Variants in RGS6 observed in about 807,000 individuals in gnomAD.
RGS6 encodes the protein regulator of G protein signaling 6.
A neutral mutation model predicts 78.5 loss-of-function variants in RGS6; 30 were observed. The observed-to-expected ratio is 0.38, with a 90% CI of 0.29 to 0.52. The LOEUF (loss-of-function observed/expected upper bound fraction) is 0.52, where lower values mean the gene tolerates loss of function less well. Ranked by LOEUF, RGS6 falls within the 20% of genes least tolerant of loss-of-function variation. RGS6 has a pLI of 0.85. For synonymous variants in RGS6, 206 were observed against 206.0 expected (o/e 1.00, Z 0.00); for missense variants, 495 against 609.7 (o/e 0.81, Z 1.98).
chr14:72,361,172 G>T (rs1031635424), intron 3 of RGS6, among the ~76,000 whole-genome samples: 3 of 147,576 alleles, frequency 2.0e-5, no homozygotes, highest in African/African-American at 7.7e-5. Flanking sequence ...GACCTTCTTA[G>T]GATGATTAAT....
rs550497245 is a variant in RGS6, at chr14:72,484,931, A to AT, written c.854+6624dup. Among the ~76,000 whole-genome samples, 1,126 of 117,940 alleles carry AT rather than the reference A, an allele frequency of 9.5e-3. 7 individuals are homozygous for AT. Among genetic ancestry groups the AT allele is most frequent in the African/African-American group, 0.025 (760 of 30,416 alleles). 77.4% of individuals were successfully genotyped at this position (117,940 alleles called of 152,430 possible). On this transcript the variant is annotated intron_variant, in intron 12 of 17. Coordinates refer to ENST00000553525, the MANE Select transcript of RGS6 (RefSeq NM_001204424.2). Reference sequence around the variant, plus strand: ...TGTACCCCTGGTAGCCATCTGGTAGATTTTTTTTTTTTTTTTTTTTTTGCC... The same window carrying AT: ...TGTACCCCTGGTAGCCATCTGGTAGATTTTTTTTTTTTTTTTTTTTTTTGCC...
At chr14:71,957,446 AGAG>A (rs34866842) in intron 1 of RGS6, among the ~76,000 whole-genome samples, 21,851 of 152,158 alleles carry the variant, frequency 0.14, 1,709 homozygotes, top group Non-Finnish European at 0.16. Context: ...GGGCTGTAGG[AGAG>A]GAGAAGGCAA....
intron 2 of RGS6, among the ~76,000 whole-genome samples, chr14:72,007,320 A>C (rs1264890952): frequency 6.6e-6 from 1 of 152,184 alleles, no homozygotes; most frequent in Non-Finnish European, 1.5e-5. Context: ...GCAAAGACCA[A>C]ATTCAGGGCA....
At chr14:72,499,465 C>T (rs8009340) in intron 13 of RGS6, among the ~76,000 whole-genome samples, 26,384 of 152,056 alleles carry the variant, frequency 0.17, 2,746 homozygotes, top group African/African-American at 0.29. Flanking sequence ...CTCGGGGTTT[C>T]CCAAGGCTTC....
intron 2 of RGS6, among the ~76,000 whole-genome samples, chr14:72,339,114 GA>G (rs1374981325): frequency 6.6e-6 from 1 of 152,024 alleles, no homozygotes; most frequent in African/African-American, 2.4e-5. Flanking sequence ...CATTTGCTAT[GA>G]TCAGAATGTT....
chr14:71,978,823 G>C (rs1355208040), intron 2 of RGS6, among the ~76,000 whole-genome samples: 11 of 151,812 alleles, frequency 7.2e-5, no homozygotes, highest in African/African-American at 2.7e-4. Context: ...GATTGGAATA[G>C]TTTCAGAAGG....
At chr14:71,982,783 G>C (rs1188514569) in intron 2 of RGS6, among the ~76,000 whole-genome samples, 1 of 152,100 alleles carries the variant, frequency 6.6e-6, no homozygotes, top group Non-Finnish European at 1.5e-5. Context: ...AACTCTTACT[G>C]TCTTGGTTGC....
chr14:72,014,783 T>C (rs2086607421), intron 2 of RGS6, among the ~76,000 whole-genome samples: 1 of 152,152 alleles, frequency 6.6e-6, no homozygotes, highest in African/African-American at 2.4e-5. Flanking sequence ...TCCCTGTTTT[T>C]TCTTTGAAAG....
rs560579783 is a variant in RGS6, at chr14:72,079,942, A to C, written c.84+115067A>C. 2.3e-4 allele frequency among the ~76,000 whole-genome samples: 35 copies of C among 152,152 alleles called. No homozygotes were observed. In the South Asian group the frequency reaches 7.1e-3, roughly 31 times the overall value. On this transcript the variant is annotated intron_variant, in intron 2 of 17. Transcript: ENST00000553525. ...TCCTTTACCCATTTGTTTGTTTTTG[A>C]ACACTTAGGTGGATCCCATACTTTG...
chr14:71,874,539 T>G, the RGS6 span, among the ~76,000 whole-genome samples: 1 of 152,246 alleles, frequency 6.6e-6, no homozygotes, highest in Non-Finnish European at 1.5e-5. Context: ...AAGGAGATTT[T>G]GGGCTGAGAA....
intron 2 of RGS6, among the ~76,000 whole-genome samples, chr14:72,233,110 G>A (rs2050082744): frequency 6.6e-6 from 1 of 152,200 alleles, no homozygotes; most frequent in Non-Finnish European, 1.5e-5. Flanking sequence ...AGAGGGAGCA[G>A]GCCCCAGAAG....
the RGS6 span, among the ~76,000 whole-genome samples, chr14:71,894,102 A>G: frequency 6.6e-6 from 1 of 152,192 alleles, no homozygotes. Context: ...CTTAGTTGAT[A>G]TAGAGGCATC....
chr14:72,573,166 G>A, the RGS6 span, among the ~76,000 whole-genome samples: 6 of 152,168 alleles, frequency 3.9e-5, no homozygotes, highest in Admixed American at 2.0e-4. Context: ...AAGCCCTTGA[G>A]CCCTTCCTTA....
chr14:72,181,352 C>G (rs567083562), intron 2 of RGS6, among the ~76,000 whole-genome samples: 5 of 152,330 alleles, frequency 3.3e-5, no homozygotes, highest in Non-Finnish European at 7.3e-5. Context: ...CTCATAATTG[C>G]TGTGCAGACA....
At chr14:72,482,063 G>A (rs936274788) in intron 12 of RGS6, among the ~76,000 whole-genome samples, 2 of 152,056 alleles carry the variant, frequency 1.3e-5, no homozygotes, top group African/African-American at 4.8e-5. Context: ...GCCCGCCTCG[G>A]CCTCCCAAAG....
chr14:72,140,625 A>G (rs1032548121), intron 2 of RGS6, among the ~76,000 whole-genome samples: 9 of 152,234 alleles, frequency 5.9e-5, no homozygotes, highest in Non-Finnish European at 1.0e-4. Flanking sequence ...GAGGCCTGTT[A>G]CAGAGTTAAA....
At chr14:72,258,433 T>G (rs1254704384) in intron 2 of RGS6, among the ~76,000 whole-genome samples, 1 of 152,224 alleles carries the variant, frequency 6.6e-6, no homozygotes, top group Non-Finnish European at 1.5e-5. Context: ...AGGGGCCTCA[T>G]TCCTAAAGTG....
At chr14:72,466,132 A>T (rs1254457982) in intron 7 of RGS6, among the ~76,000 whole-genome samples, 1 of 152,252 alleles carries the variant, frequency 6.6e-6, no homozygotes, top group Non-Finnish European at 1.5e-5. Context: ...CCATGAAAAG[A>T]TGTCCAATAT....
intron 2 of RGS6, among the ~76,000 whole-genome samples, chr14:72,115,298 G>GTC (rs1289288387): frequency 6.6e-6 from 1 of 152,170 alleles, no homozygotes; most frequent in Non-Finnish European, 1.5e-5. Context: ...AAGTTGCTGT[G>GTC]TCTCTCTCTG....
Sources: gnomAD v4.1 joint callset for allele counts (sites outside exome capture counted in the v4.1 genomes callset) on GRCh38, gnomAD v4.1.1 for gene constraint, MANE v1.5 for transcripts, NCBI Gene and HGNC (gene_info 2026-07-23, HGNC 2026-07-21) for gene names.